TEX9: variants seen among roughly 807,000 people sequenced by gnomAD.
TEX9 encodes testis expressed 9.
A neutral mutation model predicts 59.6 loss-of-function variants in TEX9; 74 were observed. The observed-to-expected ratio is 1.24, with a 90% confidence interval of 1.03 to 1.51. The LOEUF is 1.51. Among genes scored for constraint, TEX9 ranks in the 40% most tolerant of loss-of-function variants. TEX9 has a pLI of 0.00. For missense variants in TEX9, 522 were observed against 447.8 expected (o/e 1.17, Z -1.49); for synonymous variants, 186 against 152.2 (o/e 1.22, Z -1.64).
chr15:56,429,168 A>G lies in TEX9; in HGVS notation c.*29+695A>G, dbSNP rs748822915. The G allele has an allele frequency of 6.3e-6, 10 of 1,597,874 alleles. No individual in the cohort carries two copies. In the East Asian group the frequency reaches 6.8e-5, roughly 11 times the overall value. ...CCTGAACTCTTCACCAAGCAGATCA[A>G]TATCATCCTCTTTTTTAAATACTCC... On this transcript the variant is annotated intron_variant, in intron 12 of 12. Transcript: ENST00000352903.
At chr15:56,256,788 TTTTAAG>T (rs1436130236) in intron 1 of TEX9, among the ~76,000 whole-genome samples, 2 of 152,112 alleles carry the variant, frequency 1.3e-5, no homozygotes, top group Admixed American at 1.3e-4. Flanking sequence ...TTCTTAAAAG[TTTTAAG>T]TTTAGGGGTA....
In TEX9 at chr15:56,339,406, A is replaced by C. The variant is rs866154708; in HGVS notation, c.-106-34035A>C. 5.7e-4 allele frequency among the ~76,000 whole-genome samples: 84 copies of C among 147,402 alleles called. 3 individuals are homozygous for C. Among genetic ancestry groups the C allele is most frequent in the Middle Eastern group, 3.4e-3 (1 of 292 alleles). ...TCCAAAAAAAAAAAAAAAAAAAAAA[A>C]AAAAAAAACAGGAGAATAACTTAGC... On this transcript the variant is annotated intron_variant, in intron 1 of 5. Coordinates refer to the TEX9 transcript ENST00000560827.
chr15:56,388,424 C>T (rs753786541), intron 4 of TEX9, 48 bp from the exon 5 acceptor site: 1 of 1,379,472 alleles, frequency 7.2e-7, no homozygotes. Flanking sequence ...ATTGTCTCAG[C>T]TCAGTGTCAT....
At chr15:56,377,077 GT>G (rs1225181758) in intron 3 of TEX9, among the ~76,000 whole-genome samples, 2 of 152,008 alleles carry the variant, frequency 1.3e-5, no homozygotes, top group Admixed American at 1.3e-4. Flanking sequence ...ATATGGATTT[GT>G]TTCTGGATTT....
chr15:56,279,941 A>G (rs1021349184), intron 1 of TEX9, among the ~76,000 whole-genome samples: 34 of 152,190 alleles, frequency 2.2e-4, no homozygotes, highest in East Asian at 9.6e-4. Flanking sequence ...TTCAGTAGAA[A>G]TGGGTATGAT....
At chr15:56,377,308 G>C (rs1356620364) in intron 3 of TEX9, among the ~76,000 whole-genome samples, 2 of 152,106 alleles carry the variant, frequency 1.3e-5, no homozygotes, top group Non-Finnish European at 2.9e-5. Flanking sequence ...TTGGTATTTT[G>C]CAAGGGGTTG....
chr15:56,444,525 T>G (rs1238240658), intron 12 of TEX9: 5 of 1,504,318 alleles, frequency 3.3e-6, no homozygotes, highest in Non-Finnish European at 4.5e-6. Context: ...AGCTTCCTGC[T>G]TTTTTTTTTC....
intron 12 of TEX9, chr15:56,444,630 T>C: frequency 6.2e-7 from 1 of 1,613,170 alleles, no homozygotes; most frequent in Non-Finnish European, 8.5e-7. Flanking sequence ...TATTATTCTC[T>C]TGTGTTCTTC....
chr15:56,429,216 GTTAC>G, intron 12 of TEX9: 1 of 1,482,756 alleles, frequency 6.7e-7, no homozygotes, highest in Non-Finnish European at 9.2e-7. Flanking sequence ...TACTTTGTGG[GTTAC>G]TTTTGAATAC....
intron 1 of TEX9, among the ~76,000 whole-genome samples, chr15:56,325,979 C>T (rs2046011871): frequency 1.3e-5 from 2 of 152,188 alleles, no homozygotes; most frequent in African/African-American, 4.8e-5. Flanking sequence ...AATTATTTAA[C>T]ACTCCAGGTA....
chr15:56,274,815 C>G (rs555732790), intron 1 of TEX9, among the ~76,000 whole-genome samples: 1 of 151,898 alleles, frequency 6.6e-6, no homozygotes, highest in East Asian at 1.9e-4. Flanking sequence ...TTTGCTGTTG[C>G]TGGGTTTGTC....
intron 12 of TEX9, among the ~76,000 whole-genome samples, chr15:56,432,849 T>C (rs2050634177): frequency 6.6e-6 from 1 of 152,172 alleles, no homozygotes; most frequent in Non-Finnish European, 1.5e-5. Flanking sequence ...ACTCCTACTT[T>C]GTATAGTTTT....
chr15:56,266,134 CT>C (rs1277977269), intron 1 of TEX9, among the ~76,000 whole-genome samples: 99 of 147,574 alleles, frequency 6.7e-4, no homozygotes, highest in African/African-American at 1.9e-3. Flanking sequence ...TAATTTCTCT[CT>C]TTTTTTTTTG....
intron 2 of TEX9, among the ~76,000 whole-genome samples, chr15:56,366,198 C>T (rs559288969): frequency 6.6e-6 from 1 of 152,244 alleles, no homozygotes; most frequent in South Asian, 2.1e-4. Flanking sequence ...CCATTCTACT[C>T]CTCATCCCCA....
downstream of TEX9, chr15:56,446,086 A>C (rs1813726498): frequency 2.0e-5 from 3 of 151,962 alleles, no homozygotes; most frequent in Admixed American, 2.0e-4. Flanking sequence ...ATCTATTCTT[A>C]ATTGATACCC....
At chr15:56,389,554 T>C (rs1458419845) in intron 6 of TEX9, among the ~76,000 whole-genome samples, 154 bp downstream of exon 6, 2 of 152,058 alleles carry the variant, frequency 1.3e-5, no homozygotes, top group African/African-American at 4.8e-5. Flanking sequence ...TTCAGTAATT[T>C]AGAACATTTT....
intron 1 of TEX9, among the ~76,000 whole-genome samples, chr15:56,324,057 C>T (rs538852961): frequency 5.9e-4 from 89 of 152,086 alleles, no homozygotes; most frequent in African/African-American, 2.1e-3. Flanking sequence ...GCATAGAAAT[C>T]GAAAGCAGGT....
chr15:56,309,371 T>C (rs1269681220), intron 1 of TEX9, among the ~76,000 whole-genome samples: 3 of 152,188 alleles, frequency 2.0e-5, no homozygotes, highest in Admixed American at 6.5e-5. Flanking sequence ...GATTTTCAGA[T>C]GTTTACCTGA....
intron 12 of TEX9, chr15:56,444,612 TCTTC>T (rs1415244112): frequency 3.7e-6 from 6 of 1,613,406 alleles, no homozygotes; most frequent in Admixed American, 1.7e-5. Flanking sequence ...TGCAGCATTC[TCTTC>T]CTTTATTATT....
Sources: gnomAD v4.1 joint callset for allele counts (sites outside exome capture counted in the v4.1 genomes callset) on GRCh38, gnomAD v4.1.1 for gene constraint, MANE v1.5 for transcripts, NCBI Gene and HGNC (gene_info 2026-07-23, HGNC 2026-07-21) for gene names.